Variants in PALD1 observed in about 807,000 individuals in gnomAD.
PALD1 encodes the protein phosphatase domain containing paladin 1, also known as paladin.
In PALD1, 57 loss-of-function variants were observed where a neutral mutation model predicts 96.0. The observed-to-expected ratio is 0.59, with a 90% confidence interval of 0.48 to 0.74. The LOEUF is 0.74. PALD1 is among the 30% of genes least tolerant of loss of function. The probability of loss-of-function intolerance (pLI) is 0.00; values close to 1 mark genes in which losing one functional copy is unlikely to be tolerated. For synonymous variants in PALD1, 464 were observed against 473.6 expected (o/e 0.98, Z 0.26); for missense variants, 1,063 against 1,143.7 (o/e 0.93, Z 1.02).
Position 70,493,911 on chromosome 10 carries a change from A to G in PALD1, c.-30+14852A>G, listed in dbSNP as rs114648673. Reference sequence around the variant, plus strand: ...CACAGCAGCTAGCAGACCTTGTCAGAACTTAAAACTCAGGTCAGAGCACTT... The same window carrying G: ...CACAGCAGCTAGCAGACCTTGTCAGGACTTAAAACTCAGGTCAGAGCACTT... On this transcript the variant is annotated intron_variant, in intron 1 of 19. Transcript: ENST00000263563. Among the ~76,000 whole-genome samples, 576 of 152,220 alleles carry G rather than the reference A, an allele frequency of 3.8e-3. 11 individuals are homozygous for G. The highest frequency in any genetic ancestry group is 0.013 in the African/African-American group (550 of 41,532).
At chr10:70,559,681 C>T (rs1847696647) in intron 18 of PALD1, among the ~76,000 whole-genome samples, 1 of 152,022 alleles carries the variant, frequency 6.6e-6, no homozygotes, top group South Asian at 2.1e-4. Flanking sequence ...AAGGAGGAGT[C>T]CCGGGTTCTG....
intron 1 of PALD1, among the ~76,000 whole-genome samples, chr10:70,524,691 T>C (rs1453883484): frequency 6.6e-6 from 1 of 152,216 alleles, no homozygotes; most frequent in Non-Finnish European, 1.5e-5. Flanking sequence ...TGCAACCTGC[T>C]CTGTCCTAGA....
intron 12 of PALD1, 123 bp from the exon 13 acceptor site, chr10:70,538,769 G>T: frequency 1.2e-6 from 1 of 803,656 alleles, no homozygotes. Flanking sequence ...GTGTGCAGGA[G>T]TGCTTTGTAA....
intron 1 of PALD1, among the ~76,000 whole-genome samples, chr10:70,511,740 C>G (rs1018922241): frequency 2.0e-5 from 3 of 152,092 alleles, no homozygotes; most frequent in African/African-American, 7.2e-5. Context: ...TTTTAAAAGG[C>G]ATTGAGGGCG....
chr10:70,541,274 T>C, intron 16 of PALD1, 32 bp downstream of exon 16: 3 of 1,584,412 alleles, frequency 1.9e-6, no homozygotes, highest in Non-Finnish European at 2.6e-6. Flanking sequence ...AGATTAGAGA[T>C]TTGCCTGGAG....
At chr10:70,541,369 C>G (rs960659354) in intron 16 of PALD1, 94 bp from the exon 17 acceptor site, 2 of 1,525,408 alleles carry the variant, frequency 1.3e-6, no homozygotes, top group Non-Finnish European at 1.8e-6. Flanking sequence ...CCCAGAGCCC[C>G]TTCCATCAGT....
intron 4 of PALD1, 97 bp downstream of exon 4, chr10:70,530,165 G>C (rs527822719): frequency 9.9e-7 from 1 of 1,007,082 alleles, no homozygotes; most frequent in Non-Finnish European, 1.4e-6. Context: ...GGGGCCTGCT[G>C]CATGCTGGAG....
intron 1 of PALD1, among the ~76,000 whole-genome samples, chr10:70,490,432 G>T (rs1163187944): frequency 1.3e-5 from 2 of 152,080 alleles, no homozygotes; most frequent in Non-Finnish European, 2.9e-5. Context: ...TGTTGCCCAG[G>T]TCTTCAACTC....
intron 1 of PALD1, among the ~76,000 whole-genome samples, chr10:70,500,518 C>T (rs1165080250): frequency 6.6e-6 from 1 of 152,206 alleles, no homozygotes; most frequent in African/African-American, 2.4e-5. Context: ...CTATGCTGCT[C>T]CCTCTGTGCA....
rs769249490 is a variant in PALD1, at chr10:70,541,092, T to C, written c.1909-10T>C. 1 of 1,585,672 alleles carries C rather than the reference T, an allele frequency of 6.3e-7. No homozygotes were observed. The highest frequency in any genetic ancestry group is 2.2e-5 in the East Asian group (1 of 44,504). ...CGCCCGCTGACCCAGACCTTGCTTT[T>C]CTCGTCCAGGACTTTGACCAGCTGC... On this transcript the variant is annotated splice_polypyrimidine_tract_variant and intron_variant, in intron 15 of 19. Transcript: ENST00000263563.
At chr10:70,467,352 T>G in the PALD1 span, among the ~76,000 whole-genome samples, 1 of 150,692 alleles carries the variant, frequency 6.6e-6, no homozygotes, top group Non-Finnish European at 1.5e-5. Flanking sequence ...TTCTCAAATA[T>G]TTGAGGGGCA....
intron 1 of PALD1, among the ~76,000 whole-genome samples, chr10:70,481,510 A>C (rs1023071651): frequency 6.6e-6 from 1 of 152,172 alleles, no homozygotes; most frequent in African/African-American, 2.4e-5. Flanking sequence ...TTTGTGCCTT[A>C]AGTGCCAGCA....
the PALD1 span, among the ~76,000 whole-genome samples, chr10:70,469,824 C>T: frequency 7.9e-3 from 1,205 of 152,138 alleles, 14 homozygotes; most frequent in Non-Finnish European, 0.011. Context: ...GATGGAGTCT[C>T]GCTCTGTCGC....
At position 70,516,816 on chromosome 10, in the gene PALD1, C is replaced by T. The variant is rs142010980; in HGVS notation, c.-29-9107C>T. 8.2e-3 allele frequency among the ~76,000 whole-genome samples: 1,242 copies of T among 152,292 alleles called. 7 individuals are homozygous for T. The highest frequency in any genetic ancestry group is 0.031 in the Middle Eastern group (9 of 294). The stretch of plus-strand genomic sequence containing the variant: ...TCAAGCAATCCTCCTGACTCGACCT[C>T]TCAATGTGCTATTATGGACATAAGC... On this transcript the variant is annotated intron_variant, in intron 1 of 19. Coordinates refer to ENST00000263563, the MANE Select transcript of PALD1 (RefSeq NM_014431.3).
At chr10:70,534,394 G>A (rs1847063394) in intron 8 of PALD1, 31 bp from the exon 9 acceptor site, 2 of 1,492,334 alleles carry the variant, frequency 1.3e-6, no homozygotes, top group East Asian at 2.3e-5. Context: ...CTTTGGAAGA[G>A]CCTGCTAATG....
upstream of PALD1, among the ~76,000 whole-genome samples, chr10:70,476,837 G>A (rs1053158686): frequency 2.0e-5 from 3 of 152,120 alleles, no homozygotes; most frequent in African/African-American, 4.8e-5. Flanking sequence ...GAGGCACACC[G>A]CCGTGGATCC....
chr10:70,465,899 A>G, the PALD1 span, among the ~76,000 whole-genome samples: 1 of 152,168 alleles, frequency 6.6e-6, no homozygotes, highest in Non-Finnish European at 1.5e-5. Context: ...TTCGTGGTTA[A>G]CTTACTGTTA....
intron 1 of PALD1, among the ~76,000 whole-genome samples, chr10:70,490,197 A>G (rs1329294561): frequency 2.0e-5 from 3 of 151,890 alleles, no homozygotes; most frequent in Admixed American, 6.6e-5. Context: ...TGCTGGGATT[A>G]CAGGCATGAG....
At chr10:70,464,461 A>G in the PALD1 span, among the ~76,000 whole-genome samples, 1 of 151,190 alleles carries the variant, frequency 6.6e-6, no homozygotes, top group Non-Finnish European at 1.5e-5. Flanking sequence ...TGATCCAGCC[A>G]CCTCGGCCTC....
Sources: gnomAD v4.1 joint callset for allele counts (sites outside exome capture counted in the v4.1 genomes callset) on GRCh38, gnomAD v4.1.1 for gene constraint, MANE v1.5 for transcripts, NCBI Gene and HGNC (gene_info 2026-07-23, HGNC 2026-07-21) for gene names.